Variants in RPL26L1 observed in about 807,000 individuals in gnomAD.
RPL26L1 encodes ribosomal protein L26 like 1, also known as ribosomal protein uL24-like.
In RPL26L1, 8 loss-of-function variants were observed where a neutral mutation model predicts 15.2. That is an observed-to-expected ratio of 0.53 (90% CI 0.31 to 0.95). The LOEUF (loss-of-function observed/expected upper bound fraction) is 0.95, where lower values mean the gene tolerates loss of function less well. RPL26L1 is among the 40% of genes least tolerant of loss of function. The probability of loss-of-function intolerance (pLI) is 0.05; values close to 1 mark genes in which losing one functional copy is unlikely to be tolerated. For missense variants in RPL26L1, 146 were observed against 190.9 expected (o/e 0.76, Z 1.39); for synonymous variants, 51 against 65.9 (o/e 0.77, Z 1.09).
chr5:172,968,803 C>CTTTTTTTTTTTTTTTTTTT lies in RPL26L1; in HGVS notation c.309+209_309+227dup, dbSNP rs539398008. ...TTGCCTTTCTTGGTGATGGCTGTGTCTTTTTTTTTTTTTTTTTTTTTTTGA... is the reference window on the plus strand; with the variant it reads ...TTGCCTTTCTTGGTGATGGCTGTGTCTTTTTTTTTTTTTTTTTTTTTTTTTTTTTTTTTTTTTTTTTTGA... On this transcript the variant is annotated intron_variant, in intron 3 of 3. Coordinates refer to ENST00000265100, the MANE Select transcript of RPL26L1 (RefSeq NM_016093.4). 2.8e-4 allele frequency among the ~76,000 whole-genome samples: 21 copies of CTTTTTTTTTTTTTTTTTTT among 74,366 alleles called. 3 individuals carry two copies. The highest frequency in any genetic ancestry group is 4.7e-4 in the East Asian group (1 of 2,108). 48.8% of individuals were successfully genotyped at this position (74,366 alleles called of 152,430 possible).
upstream of RPL26L1, chr5:172,955,996 C>CT (rs1754963824): frequency 6.6e-6 from 1 of 152,126 alleles, no homozygotes. Context: ...GCAGGAGGTG[C>CT]TTTTTTTGGT....
chr5:172,967,076 G>A (rs371844693), intron 2 of RPL26L1, among the ~76,000 whole-genome samples: 12 of 151,816 alleles, frequency 7.9e-5, no homozygotes, highest in East Asian at 4.0e-4. Context: ...GGATGGTCTC[G>A]ATCTCTTGAC....
upstream of RPL26L1, chr5:172,957,283 T>C (rs1274447239): frequency 8.8e-6 from 4 of 456,128 alleles, no homozygotes; most frequent in African/African-American, 2.0e-5. Flanking sequence ...CAGGATATCA[T>C]TGTGCCTGTT....
intron 2 of RPL26L1, among the ~76,000 whole-genome samples, chr5:172,967,990 G>T (rs1228533324): frequency 6.6e-6 from 1 of 151,706 alleles, no homozygotes; most frequent in East Asian, 1.9e-4. Flanking sequence ...AATTCAGAAT[G>T]CTCCAAAATC....
At position 172,969,513 on chromosome 5, in the gene RPL26L1, A is replaced by G; in HGVS notation, c.410A>G (p.Glu137Gly). The change falls in exon 4 of 4, where the codon GAA becomes GGA. Residue 137 changes from glutamate (E) to glycine (G), a missense_variant. Physicochemically the swap from Glu to Gly is moderately conservative, Grantham distance 98. Transcript: ENST00000265100. Reference protein sequence around the residue: ...QVGKEKGKYKEELIEKMQE With the variant: ...QVGKEKGKYKGELIEKMQE ...GGAAAAGAGAAAGGCAAATATAAAG[A>G]AGAACTTATTGAGAAAATGCAGGAA... 1 of 1,613,342 alleles carries G rather than the reference A, an allele frequency of 6.2e-7. No individual in the cohort carries two copies. Among genetic ancestry groups the G allele is most frequent in the South Asian group, 1.1e-5 (1 of 91,052 alleles).
At chr5:172,966,059 T>C (rs1387800881) in intron 2 of RPL26L1, among the ~76,000 whole-genome samples, 1 of 152,222 alleles carries the variant, frequency 6.6e-6, no homozygotes, top group Non-Finnish European at 1.5e-5. Context: ...ACCAGCCGAC[T>C]TAGTCTTATC....
upstream of RPL26L1, chr5:172,958,834 T>G (rs1581602136): frequency 3.0e-5 from 3 of 101,402 alleles, no homozygotes; most frequent in African/African-American, 4.7e-5. Context: ...GGGCGGGGAC[T>G]GGATGAGAGG....
upstream of RPL26L1, chr5:172,957,116 C>A: frequency 4.4e-6 from 2 of 451,696 alleles, no homozygotes. Context: ...CAAGCACTTC[C>A]CCATGCAGCC....
At chr5:172,967,539 G>A (rs1461748674) in intron 2 of RPL26L1, among the ~76,000 whole-genome samples, 1 of 152,040 alleles carries the variant, frequency 6.6e-6, no homozygotes, top group Non-Finnish European at 1.5e-5. Flanking sequence ...GAATAGAGTA[G>A]ATTTTTAGTA....
intron 2 of RPL26L1, 53 bp downstream of exon 2, chr5:172,960,094 C>T: frequency 1.2e-6 from 2 of 1,601,886 alleles, no homozygotes; most frequent in Non-Finnish European, 1.7e-6. Flanking sequence ...CTAAGAACGT[C>T]ATGCGTGGAG....
At position 172,962,521 on chromosome 5, in the gene RPL26L1, A is replaced by G. The variant is rs928750729; in HGVS notation, c.168+2480A>G. Among the ~76,000 whole-genome samples, 14 of 147,818 alleles carry G rather than the reference A, an allele frequency of 9.5e-5. No homozygotes were observed. In the East Asian group the frequency reaches 2.8e-3, roughly 30 times the overall value. On this transcript the variant is annotated intron_variant, in intron 2 of 3. Transcript: ENST00000265100. ...AGACTCTGTCTCAAAAACAACAACAACAACAACAAAAAACGGCCAGGCACA... is the reference window on the plus strand; with the variant it reads ...AGACTCTGTCTCAAAAACAACAACAGCAACAACAAAAAACGGCCAGGCACA...
chr5:172,965,162 G>A (rs1234505731), intron 2 of RPL26L1, among the ~76,000 whole-genome samples: 2 of 152,102 alleles, frequency 1.3e-5, no homozygotes, highest in Non-Finnish European at 2.9e-5. Flanking sequence ...CTCCAGCATG[G>A]GTAACACAGC....
chr5:172,958,764 G>GGGGCCAGGCACGGGCAGAA (rs1331925888), upstream of RPL26L1: 1 of 242,388 alleles, frequency 4.1e-6, no homozygotes, highest in Admixed American at 4.5e-5. Flanking sequence ...GCGACCCGGC[G>GGGGCCAGGCACGGGCAGAA]GGGCCAGGCA....
intron 2 of RPL26L1, among the ~76,000 whole-genome samples, chr5:172,964,932 T>C (rs1755399009): frequency 6.6e-6 from 1 of 152,156 alleles, no homozygotes; most frequent in Non-Finnish European, 1.5e-5. Context: ...GCCTGTAATC[T>C]CAACACTCTG....
upstream of RPL26L1, among the ~76,000 whole-genome samples, chr5:172,956,572 TAATA>T (rs1209412784): frequency 6.6e-6 from 1 of 152,184 alleles, no homozygotes. Context: ...ATTATCCATC[TAATA>T]AATAAATAAA....
chr5:172,967,048 G>T (rs1343918897), intron 2 of RPL26L1, among the ~76,000 whole-genome samples: 2 of 151,756 alleles, frequency 1.3e-5, no homozygotes, highest in African/African-American at 2.4e-5. Flanking sequence ...TAGAGACAGG[G>T]TTTCACCATG....
chr5:172,964,281 C>CTTTTTTTT, intron 2 of RPL26L1, among the ~76,000 whole-genome samples: 1 of 99,234 alleles, frequency 1.0e-5, no homozygotes. Context: ...GGCCTGTTGC[C>CTTTTTTTT]TTTTTTTTTT....
upstream of RPL26L1, chr5:172,958,277 A>AAT (rs977030670): frequency 7.5e-6 from 3 of 400,384 alleles, no homozygotes; most frequent in African/African-American, 6.3e-5. Context: ...AAAAAAAAAA[A>AAT]AAAAAAATCT....
rs1755155030 is a variant in RPL26L1 at position 172,959,903 on chromosome 5, C to T, written c.30C>T (p.Asp10=). 1.2e-6 allele frequency: 2 copies of T among 1,614,200 alleles called. No individual in the cohort carries two copies. Among genetic ancestry groups the T allele is most frequent in the East Asian group, 4.5e-5 (2 of 44,888 alleles). MKFNPFVTS[D]RSKNRKRHFN... ...AGTTCAATCCCTTCGTTACCTCGGA[C>T]CGCAGTAAAAACCGCAAACGTCACT... The change falls in exon 2 of 4, where the codon GAC becomes GAT. Residue 10 remains aspartate (D), a synonymous_variant. Transcript: ENST00000265100.
Sources: gnomAD v4.1 joint callset for allele counts (sites outside exome capture counted in the v4.1 genomes callset) on GRCh38, gnomAD v4.1.1 for gene constraint, MANE v1.5 for transcripts, NCBI Gene and HGNC (gene_info 2026-07-23, HGNC 2026-07-21) for gene names.